SNTG1: variants seen among roughly 807,000 people sequenced by gnomAD.
The protein encoded by SNTG1 is syntrophin gamma 1.
SNTG1 carries 39 observed loss-of-function variants against 74.7 expected under a neutral mutation model. The ratio of observed to expected loss-of-function variants is 0.52; its 90% CI spans 0.40 to 0.68. SNTG1 has a LOEUF of 0.68. Among genes scored for constraint, SNTG1 ranks in the 30% least tolerant of loss-of-function variants. The pLI is 0.00. For synonymous variants in SNTG1, 254 were observed against 217.1 expected, an observed-to-expected ratio of 1.17 and a Z score of -1.49; for missense variants, 685 against 609.5, an observed-to-expected ratio of 1.12 and a Z score of -1.30.
chr8:49,913,526 C>A (rs1805759538), intron 1 of SNTG1, among the ~76,000 whole-genome samples: 1 of 152,158 alleles, frequency 6.6e-6, no homozygotes, highest in South Asian at 2.1e-4. Context: ...TCACCACTTA[C>A]CATGAACCTG....
intron 1 of SNTG1, among the ~76,000 whole-genome samples, chr8:50,029,977 G>T (rs1347407728): frequency 6.6e-6 from 1 of 151,920 alleles, no homozygotes; most frequent in Non-Finnish European, 1.5e-5. Context: ...AGTGTATGAG[G>T]GTTCCCCATT....
intron 15 of SNTG1, among the ~76,000 whole-genome samples, chr8:50,691,363 G>T (rs1382249337): frequency 2.0e-5 from 3 of 152,064 alleles, no homozygotes; most frequent in African/African-American, 7.2e-5. Context: ...TTACAATTTG[G>T]CATATTTTTG....
chr8:50,003,210 G>C (rs999929831), intron 1 of SNTG1, among the ~76,000 whole-genome samples: 2 of 152,128 alleles, frequency 1.3e-5, no homozygotes, highest in Non-Finnish European at 1.5e-5. Context: ...AAAAACCACT[G>C]AGTTGTACAC....
intron 1 of SNTG1, among the ~76,000 whole-genome samples, chr8:50,147,535 T>A (rs1306020658): frequency 6.6e-6 from 1 of 152,132 alleles, no homozygotes; most frequent in Non-Finnish European, 1.5e-5. Context: ...TAATAAAATA[T>A]AAGTAATGGG....
intron 1 of SNTG1, among the ~76,000 whole-genome samples, chr8:49,920,544 T>TA (rs904760773): frequency 2.6e-5 from 4 of 151,814 alleles, no homozygotes; most frequent in African/African-American, 7.3e-5. Context: ...AGTAAATAAA[T>TA]AAAAAAACAA....
chr8:50,062,357 A>C (rs1277985756), intron 1 of SNTG1, among the ~76,000 whole-genome samples: 2 of 151,944 alleles, frequency 1.3e-5, no homozygotes, highest in African/African-American at 2.4e-5. Context: ...AGATGTTGGA[A>C]TTTCTAACTC....
intron 1 of SNTG1, among the ~76,000 whole-genome samples, chr8:49,934,861 G>T (rs1807915091): frequency 6.6e-6 from 1 of 151,454 alleles, no homozygotes; most frequent in Non-Finnish European, 1.5e-5. Context: ...AATGGGATAG[G>T]ATTAGATGAG....
Position 50,070,363 on chromosome 8 carries a change from C to T in SNTG1, c.-102-102198C>T, listed in dbSNP as rs111339410. 8.5e-5 allele frequency among the ~76,000 whole-genome samples: 13 copies of T among 152,242 alleles called. 1 individual carries two copies. Among genetic ancestry groups the T allele is most frequent in the African/African-American group, 2.4e-4 (10 of 41,558 alleles). On this transcript the variant is annotated intron_variant, in intron 1 of 18. Transcript: ENST00000642720. ...TTTTGTTATTTTAACTTTTAAAAAA[C>T]GTTTTGGAAAATGTAGTGAAAACGT...
intron 9 of SNTG1, among the ~76,000 whole-genome samples, chr8:50,504,234 C>T (rs1364287016): frequency 2.0e-5 from 3 of 152,006 alleles, no homozygotes; most frequent in Non-Finnish European, 4.4e-5. Flanking sequence ...TTTTTGTTAT[C>T]CAGTCTAACA....
At position 50,470,647 on chromosome 8, in the gene SNTG1, T is replaced by C. The variant is rs985003097; in HGVS notation, c.363+19918T>C. On this transcript the variant is annotated intron_variant, in intron 8 of 18. Coordinates refer to ENST00000642720, the MANE Select transcript of SNTG1 (RefSeq NM_018967.5). ...TGAGTGTTACAGCTCTTAAATGTGG[T>C]GCGTCCGGAGTTGTTCATTCATCCT... 2.1e-4 allele frequency among the ~76,000 whole-genome samples: 32 copies of C among 152,096 alleles called. 1 individual carries two copies. Among genetic ancestry groups the C allele is most frequent in the Admixed American group, 1.9e-3 (29 of 15,256 alleles).
At chr8:50,438,153 A>G (rs1205412682) in intron 4 of SNTG1, among the ~76,000 whole-genome samples, 1 of 152,154 alleles carries the variant, frequency 6.6e-6, no homozygotes, top group Non-Finnish European at 1.5e-5. Flanking sequence ...GTTTACCAGG[A>G]TCATATTTAC....
At chr8:50,468,098 AG>A (rs1271603840) in intron 8 of SNTG1, among the ~76,000 whole-genome samples, 1 of 151,894 alleles carries the variant, frequency 6.6e-6, no homozygotes, top group East Asian at 1.9e-4. Flanking sequence ...GCTTGAAAAA[AG>A]TATATGTTTT....
At chr8:50,563,854 G>T (rs1020033571) in intron 12 of SNTG1, among the ~76,000 whole-genome samples, 3 of 152,056 alleles carry the variant, frequency 2.0e-5, no homozygotes, top group South Asian at 2.1e-4. Flanking sequence ...CTCCTGAAAA[G>T]ATTCTTTCAG....
chr8:50,288,809 T>A (rs1239890528), intron 2 of SNTG1, among the ~76,000 whole-genome samples: 3 of 152,180 alleles, frequency 2.0e-5, no homozygotes, highest in Non-Finnish European at 4.4e-5. Flanking sequence ...AGCTTTATTC[T>A]TACTCCACCT....
chr8:49,914,726 G>T (rs1285575622), intron 1 of SNTG1, among the ~76,000 whole-genome samples: 1 of 152,098 alleles, frequency 6.6e-6, no homozygotes, highest in Non-Finnish European at 1.5e-5. Flanking sequence ...AGTAAAAAAT[G>T]ACTATTGCTA....
intron 15 of SNTG1, among the ~76,000 whole-genome samples, chr8:50,684,800 A>G (rs1315881392): frequency 1.4e-5 from 2 of 147,916 alleles, no homozygotes; most frequent in Non-Finnish European, 3.0e-5. Flanking sequence ...GGTTAGTTAC[A>G]TATGTATATA....
At chr8:50,501,808 A>C (rs1340380839) in intron 8 of SNTG1, among the ~76,000 whole-genome samples, 1 of 152,012 alleles carries the variant, frequency 6.6e-6, no homozygotes, top group Non-Finnish European at 1.5e-5. Context: ...GGTTTCAAGT[A>C]GCCAATTCTT....
At chr8:49,949,886 T>C (rs922571932) in intron 1 of SNTG1, among the ~76,000 whole-genome samples, 7 of 152,216 alleles carry the variant, frequency 4.6e-5, no homozygotes, top group African/African-American at 1.4e-4. Context: ...AGGCCTACGA[T>C]CCCAGCACTT....
At chr8:50,155,006 T>C (rs1216642498) in intron 1 of SNTG1, among the ~76,000 whole-genome samples, 1 of 152,246 alleles carries the variant, frequency 6.6e-6, no homozygotes, top group African/African-American at 2.4e-5. Context: ...GTACTATACT[T>C]ACAACTTTTT....
Sources: allele counts gnomAD v4.1 joint callset (sites outside exome capture counted in the v4.1 genomes callset), GRCh38; gene constraint gnomAD v4.1.1; transcripts MANE v1.5; gene names NCBI Gene and HGNC (gene_info 2026-07-23, HGNC 2026-07-21).